Variants in ATP13A4 observed in about 807,000 individuals in gnomAD.
ATP13A4 encodes probable cation-transporting ATPase 13A4.
A neutral mutation model predicts 142.5 loss-of-function variants in ATP13A4; 114 were observed. The observed-to-expected ratio is 0.80, with a 90% confidence interval of 0.69 to 0.93. The LOEUF is 0.93. Ranked by LOEUF, ATP13A4 falls within the 40% of genes least tolerant of loss-of-function variation. The pLI is 0.00. For synonymous variants in ATP13A4, 488 were observed against 514.8 expected (o/e 0.95, Z 0.70); for missense variants, 1,392 against 1,454.0 (o/e 0.96, Z 0.69).
At chr3:193,527,002 A>T (rs1722039374) in intron 1 of ATP13A4, among the ~76,000 whole-genome samples, 1 of 152,242 alleles carries the variant, frequency 6.6e-6, no homozygotes, top group Non-Finnish European at 1.5e-5. Flanking sequence ...TGGAGATCAC[A>T]TCAATGCTTG....
chr3:193,569,253 C>T (rs540787178), intron 2 of ATP13A4, among the ~76,000 whole-genome samples: 19 of 152,242 alleles, frequency 1.2e-4, no homozygotes, highest in Non-Finnish European at 2.5e-4. Flanking sequence ...GAAAAATGTT[C>T]GACAAATCCC....
chr3:193,537,004 C>T (rs1365561296), intron 1 of ATP13A4, among the ~76,000 whole-genome samples: 1 of 151,960 alleles, frequency 6.6e-6, no homozygotes, highest in African/African-American at 2.4e-5. Context: ...GTTTGGAAAG[C>T]TAAACATAGT....
chr3:193,541,348 CACAGATTATCTATCTGTGATTATCGAT>C, intron 1 of ATP13A4, among the ~76,000 whole-genome samples: 1 of 88,468 alleles, frequency 1.1e-5, no homozygotes, highest in South Asian at 2.9e-4. Context: ...ATTATCTGAT[CACAGATTATCTATCTGTGATTATCGAT>C]CACAGATTAT....
intron 24 of ATP13A4, among the ~76,000 whole-genome samples, chr3:193,434,926 A>T (rs1229217439): frequency 6.6e-6 from 1 of 152,226 alleles, no homozygotes; most frequent in Non-Finnish European, 1.5e-5. Context: ...TCAATTGCTA[A>T]ATTTTCAGAG....
intron 1 of ATP13A4, among the ~76,000 whole-genome samples, chr3:193,524,199 A>G (rs1333625067): frequency 6.6e-6 from 1 of 152,206 alleles, no homozygotes; most frequent in Non-Finnish European, 1.5e-5. Flanking sequence ...CTAACAAATC[A>G]TTGAACCTGA....
At chr3:193,495,434 T>C (rs927827947) in intron 3 of ATP13A4, among the ~76,000 whole-genome samples, 4 of 152,138 alleles carry the variant, frequency 2.6e-5, no homozygotes, top group African/African-American at 9.6e-5. Flanking sequence ...TGATTCAACA[T>C]ATGCAAATGA....
intron 29 of ATP13A4, among the ~76,000 whole-genome samples, chr3:193,405,955 T>C (rs1291898574): frequency 6.6e-6 from 1 of 152,098 alleles, no homozygotes; most frequent in Admixed American, 6.5e-5. Context: ...TGCCACTGGG[T>C]CTGAGGACAC....
chr3:193,449,651 T>C (rs532364748), intron 17 of ATP13A4, among the ~76,000 whole-genome samples: 2 of 152,340 alleles, frequency 1.3e-5, no homozygotes, highest in East Asian at 3.9e-4. Context: ...GTTGAACCAC[T>C]AGCCATGGGT....
At chr3:193,414,555 C>A (rs895467928) in intron 26 of ATP13A4, 24 bp downstream of exon 26, 5 of 1,611,204 alleles carry the variant, frequency 3.1e-6, no homozygotes, top group Non-Finnish European at 4.2e-6. Context: ...ATGTGAGAAG[C>A]AGAAGCTGAG....
intron 8 of ATP13A4, among the ~76,000 whole-genome samples, chr3:193,471,674 TCACA>T (rs3052495): frequency 1.3e-5 from 2 of 150,532 alleles, no homozygotes; most frequent in African/African-American, 2.4e-5. Flanking sequence ...TATTGTCACT[TCACA>T]CACACACACA....
intron 1 of ATP13A4, among the ~76,000 whole-genome samples, chr3:193,586,505 G>A (rs1258688524): frequency 6.6e-6 from 1 of 152,164 alleles, no homozygotes; most frequent in African/African-American, 2.4e-5. Context: ...TTTTGTGCAT[G>A]CTTACTAATT....
chr3:193,496,801 A>C (rs1345564080), intron 3 of ATP13A4, among the ~76,000 whole-genome samples: 58 of 36,768 alleles, frequency 1.6e-3, no homozygotes, highest in African/African-American at 6.4e-3. Flanking sequence ...AAAATACATA[A>C]ATAAATAAAT....
chr3:193,401,516 T>G lies in ATP13A4; in HGVS notation c.*1136A>C, dbSNP rs10439973. ...GAGTGAAAATTTCTGGAGTTGGCCA[T>G]GTGACATGAGAGATTCCTAAAACAT... On this transcript the variant is annotated 3_prime_UTR_variant, in exon 30 of 30. Transcript: ENST00000342695. Among the ~76,000 whole-genome samples, 107,088 of 151,956 alleles carry G rather than the reference T, an allele frequency of 0.7. 37,809 individuals are homozygous for G. The highest frequency in any genetic ancestry group is 0.76 in the South Asian group (3,675 of 4,814).
At chr3:193,414,366 C>T (rs1346199505) in intron 26 of ATP13A4, among the ~76,000 whole-genome samples, 1 of 152,106 alleles carries the variant, frequency 6.6e-6, no homozygotes, top group African/African-American at 2.4e-5. Flanking sequence ...TCATATAAGA[C>T]AGACAAAGAT....
chr3:193,410,343 A>G (rs1421310134), intron 28 of ATP13A4, among the ~76,000 whole-genome samples: 1 of 152,204 alleles, frequency 6.6e-6, no homozygotes, highest in African/African-American at 2.4e-5. Context: ...CAAAAAAAGA[A>G]GCAATTAGGA....
rs189953849 is a variant in ATP13A4, at chr3:193,473,733, C to T, written c.809-2740G>A. Among the ~76,000 whole-genome samples the T allele has an allele frequency of 1.4e-4, 21 of 152,228 alleles. No homozygotes were observed. In the East Asian group the frequency reaches 4.1e-3, roughly 29 times the overall value. On this transcript the variant is annotated intron_variant, in intron 8 of 29. Coordinates refer to ENST00000342695, the MANE Select transcript of ATP13A4 (RefSeq NM_032279.4). ...TGTTGTGATATTCCAGCCAAAAATG[C>T]ATAACCTGAATTTAACCATGAGGCA... is the stretch of plus-strand genomic sequence containing the variant.
At chr3:193,508,940 G>A (rs1292757614) in intron 2 of ATP13A4, among the ~76,000 whole-genome samples, 3 of 151,000 alleles carry the variant, frequency 2.0e-5, no homozygotes, top group African/African-American at 7.3e-5. Context: ...GGAATGAAAT[G>A]TATACCACAA....
chr3:193,502,457 C>A lies in ATP13A4; in HGVS notation c.381+36G>T, dbSNP rs367829685. ...ATACTTGAGGGGAAAAAGATTAAAT[C>A]TCTCTGACATCAGCAGTAGCCATAA... is the stretch of plus-strand genomic sequence containing the variant. On this transcript the variant is annotated intron_variant, in intron 3 of 29. Transcript: ENST00000342695. 1,391 of 1,606,308 alleles carry A rather than the reference C, an allele frequency of 8.7e-4. 2 individuals carry two copies. The highest frequency in any genetic ancestry group is 9.6e-4 in the Non-Finnish European group (1,130 of 1,173,460).
intron 10 of ATP13A4, 51 bp from the exon 11 acceptor site, chr3:193,466,233 T>C: frequency 1.2e-6 from 2 of 1,607,758 alleles, no homozygotes. Context: ...ACGCTACTGC[T>C]AGCTCTTCCA....
Sources: allele counts gnomAD v4.1 joint callset (sites outside exome capture counted in the v4.1 genomes callset), GRCh38; gene constraint gnomAD v4.1.1; transcripts MANE v1.5; gene names NCBI Gene and HGNC (gene_info 2026-07-23, HGNC 2026-07-21).